Variants in LDLRAD4 observed in about 807,000 individuals in gnomAD.
LDLRAD4 encodes the protein low density lipoprotein receptor class A domain containing 4.
Under a neutral mutation model 17.0 loss-of-function variants are expected in LDLRAD4, and 5 were observed. The observed-to-expected ratio is 0.29, with a 90% confidence interval of 0.15 to 0.62. LDLRAD4 has a LOEUF of 0.62. Ranked by LOEUF, LDLRAD4 falls within the 20% of genes least tolerant of loss-of-function variation. The pLI, the probability that LDLRAD4 is intolerant of heterozygous loss-of-function variation, is 0.84. For synonymous variants in LDLRAD4, 168 were observed against 171.8 expected, an observed-to-expected ratio of 0.98 and a Z score of 0.17; for missense variants, 340 against 424.7, an observed-to-expected ratio of 0.80 and a Z score of 1.75.
intron 1 of LDLRAD4, among the ~76,000 whole-genome samples, chr18:13,301,080 G>A (rs1447296967): frequency 2.1e-5 from 3 of 142,510 alleles, no homozygotes; most frequent in East Asian, 3.9e-4. Context: ...CGGGGTGTCC[G>A]TGGTTGGGGG....
In LDLRAD4 at chr18:13,471,830, G is replaced by T. The variant is rs192353746; in HGVS notation, c.181+33446G>T. 4.6e-5 allele frequency: 7 copies of T among 152,346 alleles called. No homozygotes were observed. The East Asian group carries it at 1.3e-3, about 29-fold the overall frequency. 9.4% of individuals were successfully genotyped at this position (152,346 alleles called of 1,614,324 possible). On this transcript the variant is annotated intron_variant, in intron 3 of 5. Transcript: ENST00000359446. ...GACTCCATTTTTCTTGAAGAACAGTGTTGTTTGTTTTATTTTATTTTCTTT... is the reference window on the plus strand; with the variant it reads ...GACTCCATTTTTCTTGAAGAACAGTTTTGTTTGTTTTATTTTATTTTCTTT...
At chr18:13,579,919 G>C (rs1252603046) in intron 3 of LDLRAD4, among the ~76,000 whole-genome samples, 1 of 152,160 alleles carries the variant, frequency 6.6e-6, no homozygotes, top group South Asian at 2.1e-4. Flanking sequence ...TCTCAGCAGG[G>C]CTGCTGTCCG....
intron 3 of LDLRAD4, chr18:13,514,854 C>T (rs1057099722): frequency 6.6e-6 from 1 of 152,176 alleles, no homozygotes; most frequent in Non-Finnish European, 1.5e-5. Context: ...GGTTCAACGT[C>T]TCTGCTCAAA....
intron 1 of LDLRAD4, among the ~76,000 whole-genome samples, chr18:13,266,062 T>C (rs529097615): frequency 1.1e-3 from 163 of 152,302 alleles, no homozygotes; most frequent in African/African-American, 3.7e-3. Context: ...CCCCAAGAGA[T>C]TCTGACTCAG....
At chr18:13,418,043 TGC>T (rs1015443768) in intron 2 of LDLRAD4, among the ~76,000 whole-genome samples, 2 of 152,224 alleles carry the variant, frequency 1.3e-5, no homozygotes, top group Non-Finnish European at 2.9e-5. Context: ...GTGCTGACAG[TGC>T]TGGAGGCTGG....
intron 3 of LDLRAD4, chr18:13,612,528 G>GAGGCAGAC: frequency 7.1e-7 from 1 of 1,414,722 alleles, no homozygotes; most frequent in Admixed American, 2.9e-5. Context: ...GAGAGTGAAC[G>GAGGCAGAC]AGGCAGACAG....
At chr18:13,563,010 C>A (rs1016553493) in intron 3 of LDLRAD4, 1 of 152,216 alleles carries the variant, frequency 6.6e-6, no homozygotes, top group Non-Finnish European at 1.5e-5. Flanking sequence ...TCTAGTGTAA[C>A]AAATAGAGTT....
chr18:13,463,899 C>T (rs1485525708), intron 3 of LDLRAD4, among the ~76,000 whole-genome samples: 3 of 152,238 alleles, frequency 2.0e-5, no homozygotes, highest in Admixed American at 6.5e-5. Context: ...GATAGTACTT[C>T]TCAGCCTTTC....
chr18:13,484,495 C>T (rs1046791815), intron 3 of LDLRAD4, among the ~76,000 whole-genome samples: 9 of 151,894 alleles, frequency 5.9e-5, no homozygotes, highest in African/African-American at 1.9e-4. Flanking sequence ...CCAGCTACTC[C>T]GAGCTACTTG....
chr18:13,643,399 T>G, exon 5 of LDLRAD4: 1 of 1,118,140 alleles, frequency 8.9e-7, no homozygotes. Context: ...GCACCGCGGC[T>G]GGGCGCCTCG....
At chr18:13,468,964 A>T (rs1212920482) in intron 3 of LDLRAD4, among the ~76,000 whole-genome samples, 2 of 152,148 alleles carry the variant, frequency 1.3e-5, no homozygotes, top group Non-Finnish European at 2.9e-5. Context: ...ACTAACCTGC[A>T]CATTGTGCAC....
chr18:13,491,709 GC>G (rs1435092137), intron 3 of LDLRAD4: 1 of 152,134 alleles, frequency 6.6e-6, no homozygotes, highest in Non-Finnish European at 1.5e-5. Context: ...ATGTCAAGTG[GC>G]CCGGCAGGGA....
intron 2 of LDLRAD4, chr18:13,421,181 G>A (rs1440792753): frequency 5.2e-5 from 8 of 152,542 alleles, no homozygotes. Flanking sequence ...GCCCGTGTAG[G>A]GGTGTCCATG....
chr18:13,582,336 A>T (rs534382419), intron 3 of LDLRAD4, among the ~76,000 whole-genome samples: 17 of 152,382 alleles, frequency 1.1e-4, no homozygotes, highest in African/African-American at 4.1e-4. Flanking sequence ...GTGCTGGACC[A>T]TAAGTGGGCA....
chr18:13,411,309 A>G (rs549601799), intron 2 of LDLRAD4, among the ~76,000 whole-genome samples: 39 of 150,260 alleles, frequency 2.6e-4, no homozygotes, highest in African/African-American at 8.8e-4. Context: ...GAGCAAAATC[A>G]TCTTTTGTTA....
At chr18:13,518,228 T>A (rs2147603411) in intron 3 of LDLRAD4, among the ~76,000 whole-genome samples, 1 of 152,310 alleles carries the variant, frequency 6.6e-6, no homozygotes, top group East Asian at 1.9e-4. Flanking sequence ...TCCTCTGCAC[T>A]CCTTCTCTCT....
chr18:13,475,457 G>A (rs2092915199), intron 3 of LDLRAD4, among the ~76,000 whole-genome samples: 2 of 135,122 alleles, frequency 1.5e-5, no homozygotes, highest in African/African-American at 5.3e-5. Flanking sequence ...GTAAAGACAG[G>A]TTCTTGCTGT....
At chr18:13,452,577 C>G (rs915106188) in intron 3 of LDLRAD4, among the ~76,000 whole-genome samples, 4 of 152,040 alleles carry the variant, frequency 2.6e-5, no homozygotes, top group African/African-American at 9.7e-5. Context: ...AGTCCTTGCT[C>G]CTGGGCAGAG....
At chr18:13,290,974 T>C (rs1421909873) in intron 1 of LDLRAD4, among the ~76,000 whole-genome samples, 2 of 152,250 alleles carry the variant, frequency 1.3e-5, no homozygotes, top group African/African-American at 2.4e-5. Flanking sequence ...CAGCCCTTCT[T>C]TTGTGACACA....
Sources: gnomAD v4.1 joint callset for allele counts (sites outside exome capture counted in the v4.1 genomes callset) on GRCh38, gnomAD v4.1.1 for gene constraint, MANE v1.5 for transcripts, NCBI Gene and HGNC (gene_info 2026-07-23, HGNC 2026-07-21) for gene names.